HSF1: variants seen among roughly 807,000 people sequenced by gnomAD.
HSF1 encodes the protein heat shock factor protein 1.
A neutral mutation model predicts 51.7 loss-of-function variants in HSF1; 32 were observed. The observed-to-expected ratio is 0.62, with a 90% CI of 0.47 to 0.83. HSF1 has a LOEUF of 0.83. Among genes scored for constraint, HSF1 ranks in the 40% least tolerant of loss-of-function variants. HSF1 has a pLI of 0.00. For missense variants in HSF1, 727 were observed against 717.0 expected (o/e 1.01, Z -0.16); for synonymous variants, 396 against 309.7 (o/e 1.28, Z -2.92).
In HSF1 at chr8:144,300,936, C is replaced by T. The variant is rs138939053; in HGVS notation, c.118-7970C>T. On this transcript the variant is annotated intron_variant, in intron 1 of 12. Coordinates refer to ENST00000528838, the MANE Select transcript of HSF1 (RefSeq NM_005526.4). ...TAAAAAGGTGGTTCTTCAGAGTCAC[C>T]GGAGCGGTTTAACAAAACATTAGAA... Among the ~76,000 whole-genome samples the T allele has an allele frequency of 5.9e-3, 892 of 152,162 alleles. 6 individuals carry two copies. The highest frequency in any genetic ancestry group is 0.02 in the African/African-American group (821 of 41,486).
chr8:144,308,772 C>T (rs1588653979), intron 1 of HSF1, 134 bp from the exon 2 acceptor site: 2 of 718,264 alleles, frequency 2.8e-6, no homozygotes, highest in East Asian at 2.6e-5. Flanking sequence ...GCCCCCTGGG[C>T]CTCCCATGGC....
At chr8:144,310,921 G>A (rs1300196008) in intron 4 of HSF1, 3 of 551,852 alleles carry the variant, frequency 5.4e-6, no homozygotes, top group Non-Finnish European at 9.8e-6. Flanking sequence ...GGGTGCACCT[G>A]GCTCGCATGG....
At chr8:144,296,819 AAAG>A (rs1284310780) in intron 1 of HSF1, among the ~76,000 whole-genome samples, 6 of 151,522 alleles carry the variant, frequency 4.0e-5, no homozygotes, top group Non-Finnish European at 7.4e-5. Flanking sequence ...AAAAAAAAAA[AAAG>A]AAGGCACACA....
chr8:144,292,224 A>G (rs1029713445), intron 1 of HSF1, among the ~76,000 whole-genome samples: 13 of 152,250 alleles, frequency 8.5e-5, no homozygotes, highest in South Asian at 4.1e-4. Flanking sequence ...AGCGGACGCT[A>G]TGCCCCAGAG....
chr8:144,309,432 G>T (rs782249274), intron 2 of HSF1, 23 bp from the exon 3 acceptor site: 3 of 1,613,306 alleles, frequency 1.9e-6, no homozygotes, highest in Non-Finnish European at 2.5e-6. Context: ...AGGCAGAGCT[G>T]CCCCCTTCCC....
rs1227629337 is a variant in HSF1 at position 144,291,706 on chromosome 8, C to T, written c.-52C>T. 14 of 1,114,446 alleles carry T rather than the reference C, an allele frequency of 1.3e-5. No individual in the cohort carries two copies. Among genetic ancestry groups the T allele is most frequent in the African/African-American group, 4.9e-5 (3 of 60,658 alleles). 69.0% of individuals were successfully genotyped at this position (1,114,446 alleles called of 1,614,324 possible). A position where few individuals can be genotyped will look rare whatever the true frequency, so the allele number is the denominator to read the frequency against. On this transcript the variant is annotated 5_prime_UTR_variant, in exon 1 of 13. Coordinates refer to ENST00000528838, the MANE Select transcript of HSF1 (RefSeq NM_005526.4). This position sits in a 1 kb window ranked among gnomAD's most constrained non-coding sequence, Gnocchi z 4.1. The stretch of plus-strand genomic sequence containing the variant: ...GGCGCGGCGACGGCGTTAGCCCGGC[C>T]CTCGGCCCCTCTTTGCGGCCGCTCC...
chr8:144,312,195 C>G lies in HSF1; in HGVS notation c.1093C>G (p.Pro365Ala). The G allele has an allele frequency of 6.3e-7, 1 of 1,592,820 alleles. No homozygotes were observed. The highest frequency in any genetic ancestry group is 8.6e-7 in the Non-Finnish European group (1 of 1,167,206). Residue 365 changes from proline to alanine, a missense_variant, in exon 9 of 13, where the codon CCG becomes GCG. Around this residue, in one of 2 missense-constraint regions of HSF1, gnomAD observed 470 missense variants for 398.8 expected, o/e 1.18. Transcript: ENST00000528838. Reference protein sequence around the residue: ...TDTEGRPPSPPPTSTPEKCLS... With the variant: ...TDTEGRPPSPAPTSTPEKCLS... ...CACCGAGGGCCGGCCTCCCTCCCCC[C>G]CGCCCACCTCCACCCCTGAAAAGTG...
Position 144,314,013 on chromosome 8 carries a change from C to A in HSF1, c.1343C>A (p.Pro448His), listed in dbSNP as rs1554845957. The A allele has an allele frequency of 1.9e-6, 3 of 1,610,928 alleles. No homozygotes were observed. Among genetic ancestry groups the A allele is most frequent in the Non-Finnish European group, 2.5e-6 (3 of 1,179,384 alleles). ...CAAGAGCTCCTGTCTCCCCAGGAGC[C>A]CCCCAGGCCTCCCGAGGCAGAGAAC... The part of the protein sequence containing the change: ...SIQELLSPQE[P>H]PRPPEAENSS... The change falls in exon 12 of 13, where the codon CCC (proline) becomes CAC (histidine). Residue 448 changes from proline (P) to histidine (H), a missense_variant. Around this residue, in one of 2 missense-constraint regions of HSF1, gnomAD observed 470 missense variants for 398.8 expected, o/e 1.18. Coordinates refer to ENST00000528838, the MANE Select transcript of HSF1 (RefSeq NM_005526.4).
chr8:144,302,166 CA>C (rs879968376), intron 1 of HSF1, among the ~76,000 whole-genome samples: 20 of 126,088 alleles, frequency 1.6e-4, no homozygotes, highest in South Asian at 2.7e-4. Flanking sequence ...ACTCCGTCTC[CA>C]AAAAAAAAAA....
At chr8:144,309,708 AC>A in intron 3 of HSF1, 63 bp from the exon 4 acceptor site, 20 of 1,426,666 alleles carry the variant, frequency 1.4e-5, no homozygotes, top group Non-Finnish European at 1.9e-5. Context: ...GCTGCAGTGG[AC>A]GAGCCTGAGC....
chr8:144,302,811 ACT>A (rs782339684), intron 1 of HSF1, among the ~76,000 whole-genome samples: 3 of 151,984 alleles, frequency 2.0e-5, no homozygotes, highest in Non-Finnish European at 2.9e-5. Flanking sequence ...GACAAAGCAG[ACT>A]CTGTCTCGAA....
At position 144,291,612 on chromosome 8, in the gene HSF1, GATGGCGGCGGCC is replaced by G. The variant is rs1815090747; in HGVS notation, c.-142_-131del. 3 of 350,894 alleles carry G rather than the reference GATGGCGGCGGCC, an allele frequency of 8.5e-6. No homozygotes were observed. The highest frequency in any genetic ancestry group is 1.4e-5 in the Non-Finnish European group (3 of 218,158). 21.7% of individuals were successfully genotyped at this position (350,894 alleles called of 1,614,324 possible). The stretch of plus-strand genomic sequence containing the variant: ...GGCGGCGGGAGCGCGCCCGTTGCAA[GATGGCGGCGGCC>G]ATGCTGGGCCCCGGGGCTGTGTGTG... On this transcript the variant is annotated 5_prime_UTR_variant, in exon 1 of 13. It removes an upstream start codon present in the reference 5' UTR. Transcript: ENST00000528838. The surrounding 1 kb of genome is among the most constrained non-coding windows in gnomAD (Gnocchi z 4.1).
In HSF1 at chr8:144,311,813, C is replaced by A. The variant is rs149124758; in HGVS notation, c.837C>A (p.Ser279=). Residue 279 remains serine (S), a synonymous_variant, in exon 8 of 13, where the codon TCC becomes TCA. Transcript: ENST00000528838. Reference sequence around the variant, plus strand: ...TGGCTCCTGCCAGCCCCATGGCCTCCCCCGGCGGGAGCATAGACGAGAGGT... The same window carrying A: ...TGGCTCCTGCCAGCCCCATGGCCTCACCCGGCGGGAGCATAGACGAGAGGT... The part of the protein sequence containing the change: ...TELAPASPMA[S]PGGSIDERPL... The A allele has an allele frequency of 8.7e-6, 14 of 1,610,742 alleles. No individual in the cohort carries two copies. The highest frequency in any genetic ancestry group is 1.2e-5 in the Non-Finnish European group (14 of 1,178,902).
chr8:144,312,376 G>T, intron 9 of HSF1, 132 bp downstream of exon 9: 1 of 737,068 alleles, frequency 1.4e-6, no homozygotes, highest in South Asian at 1.8e-5. Context: ...TCGGAGCTCG[G>T]GGCTGGGGAG....
chr8:144,310,078 G>C (rs1816514984), intron 4 of HSF1, 182 bp downstream of exon 4: 2 of 677,966 alleles, frequency 3.0e-6, no homozygotes, highest in Non-Finnish European at 4.8e-6. Context: ...AACAGCTCTG[G>C]GGCCAGCCGT....
intron 1 of HSF1, among the ~76,000 whole-genome samples, chr8:144,293,941 C>T (rs1225070481): frequency 2.0e-5 from 3 of 151,380 alleles, no homozygotes; most frequent in South Asian, 2.1e-4. Flanking sequence ...TTTTTGGGAC[C>T]GAGGCATGTT....
rs1313971703 is a variant in HSF1, at chr8:144,314,464, G to A, written c.*134G>A. The A allele has an allele frequency of 1.8e-5, 13 of 723,398 alleles. No individual in the cohort carries two copies. Among genetic ancestry groups the A allele is most frequent in the Admixed American group, 8.2e-5 (3 of 36,758 alleles). The allele number at this position is 723,398 out of a possible 1,614,324, so 44.8% of individuals were successfully genotyped here. The stretch of plus-strand genomic sequence containing the variant: ...TAGCCCCAGTAGGACAAACGGGCTC[G>A]GGTCTGGGCAGCACCTCTGGTCAGG... On this transcript the variant is annotated 3_prime_UTR_variant, in exon 13 of 13. Transcript: ENST00000528838.
intron 9 of HSF1, chr8:144,313,221 C>T (rs1258088923): frequency 6.6e-6 from 3 of 456,430 alleles, no homozygotes; most frequent in Non-Finnish European, 1.2e-5. Flanking sequence ...ATCCCTGATC[C>T]TTGTGCTGGA....
Position 144,311,578 on chromosome 8 carries a change from G to A in HSF1, c.700G>A (p.Val234Ile), listed in dbSNP as rs782616328. 27 of 1,613,524 alleles carry A rather than the reference G, an allele frequency of 1.7e-5. No individual in the cohort carries two copies. Among genetic ancestry groups the A allele is most frequent in the Admixed American group, 1.0e-4 (6 of 60,000 alleles). ...KYSRQFSLEHVHGSGPYSAPS... is the reference protein window; with the variant it reads ...KYSRQFSLEHIHGSGPYSAPS... ...TAGCCGGCAGTTCTCCCTGGAGCAC[G>A]TCCACGGCTCGGGCCCCTACTCGGT... Residue 234 changes from valine (V) to isoleucine (I), a missense_variant, in exon 7 of 13, where the codon GTC (valine) becomes ATC (isoleucine). This residue lies in a region of HSF1 where 257 missense variants were observed against 318.3 expected (regional missense o/e 0.81). Transcript: ENST00000528838.
Sources: gnomAD v4.1 joint callset for allele counts (sites outside exome capture counted in the v4.1 genomes callset) on GRCh38, gnomAD v4.1.1 for gene constraint, gnomAD v4.1.1 regional missense constraint, Gnocchi (gnomAD v3.1) non-coding constraint, MANE v1.5 for transcripts, NCBI Gene and HGNC (gene_info 2026-07-23, HGNC 2026-07-21) for gene names.